Variants in NTNG1 observed in about 807,000 individuals in gnomAD.
NTNG1 encodes the protein netrin G1, also known as netrin-G1.
In NTNG1, 16 loss-of-function variants were observed where a neutral mutation model predicts 54.0. That is an observed-to-expected ratio of 0.30 (90% CI 0.20 to 0.45). The LOEUF is 0.45. Ranked by LOEUF, NTNG1 falls within the 20% of genes least tolerant of loss-of-function variation. The pLI is 1.00. For synonymous variants in NTNG1, 255 were observed against 263.1 expected (o/e 0.97, Z 0.30); for missense variants, 530 against 678.7 (o/e 0.78, Z 2.43).
rs146325811 is a variant in NTNG1, at chr1:107,458,201, G to T, written c.1390+21402G>T. ...AGTCAGATTAATGGGGATGACACAT[G>T]AGTTCCACTGTTATACTACTCCAGT... On this transcript the variant is annotated intron_variant, in intron 7 of 7. Coordinates refer to ENST00000370068, the MANE Select transcript of NTNG1 (RefSeq NM_001113226.3). 4.1e-3 allele frequency among the ~76,000 whole-genome samples: 624 copies of T among 152,208 alleles called. 3 individuals are homozygous for T. The highest frequency in any genetic ancestry group is 0.01 in the Middle Eastern group (3 of 294).
intron 2 of NTNG1, among the ~76,000 whole-genome samples, chr1:107,220,600 G>A (rs1474774677): frequency 6.6e-6 from 1 of 152,232 alleles, no homozygotes; most frequent in Non-Finnish European, 1.5e-5. Context: ...CTACTTAGTA[G>A]TTGTGTGAAT....
chr1:107,407,632 G>C (rs1452155745), intron 4 of NTNG1, 50 bp from the exon 5 acceptor site: 2 of 1,410,650 alleles, frequency 1.4e-6, no homozygotes, highest in East Asian at 4.6e-5. Flanking sequence ...AAGATGTTAT[G>C]TACTAATAAA....
At chr1:107,262,459 TCTAA>T (rs1176546707) in intron 2 of NTNG1, among the ~76,000 whole-genome samples, 1 of 152,158 alleles carries the variant, frequency 6.6e-6, no homozygotes, top group African/African-American at 2.4e-5. Context: ...TAGGTTGGGG[TCTAA>T]CTATTGTGGA....
intron 3 of NTNG1, among the ~76,000 whole-genome samples, chr1:107,374,720 G>C (rs1671125841): frequency 6.6e-6 from 1 of 152,016 alleles, no homozygotes; most frequent in Non-Finnish European, 1.5e-5. Context: ...TTGATTATTT[G>C]TGTCATTTTT....
At chr1:107,297,006 T>C (rs1333985324) in intron 2 of NTNG1, among the ~76,000 whole-genome samples, 1 of 149,264 alleles carries the variant, frequency 6.7e-6, no homozygotes, top group African/African-American at 2.4e-5. Flanking sequence ...AGAAGAATCA[T>C]TTTGCTGTTG....
rs536409765 is a variant in NTNG1 at position 107,412,438 on chromosome 1, T to C, written c.1087+4730T>C. Among the ~76,000 whole-genome samples, 4 of 152,294 alleles carry C rather than the reference T, an allele frequency of 2.6e-5. No homozygotes were observed. In the East Asian group the frequency reaches 7.7e-4, roughly 29 times the overall value. On this transcript the variant is annotated intron_variant, in intron 5 of 7. Transcript: ENST00000370068. ...TAGAGTGGCCACATAACTTGCCCAA[T>C]GCAGTACAACCAGGAATGCCTATCT...
intron 2 of NTNG1, among the ~76,000 whole-genome samples, chr1:107,322,168 A>G (rs576011129): frequency 1.9e-4 from 29 of 152,202 alleles, no homozygotes; most frequent in African/African-American, 7.0e-4. Flanking sequence ...GTGTCATCTC[A>G]TGTGGCCCCA....
chr1:107,201,113 C>T (rs1482492814), intron 2 of NTNG1, among the ~76,000 whole-genome samples: 3 of 151,730 alleles, frequency 2.0e-5, no homozygotes, highest in Non-Finnish European at 2.9e-5. Context: ...TCCTCAAAAA[C>T]TTGTACCTTT....
At chr1:107,417,722 A>T (rs1372536602) in intron 5 of NTNG1, among the ~76,000 whole-genome samples, 1 of 152,076 alleles carries the variant, frequency 6.6e-6, no homozygotes, top group African/African-American at 2.4e-5. Flanking sequence ...TTGAGACTGG[A>T]CTCAATAGAT....
chr1:107,446,546 TA>T (rs1315320132), intron 7 of NTNG1, among the ~76,000 whole-genome samples: 2 of 152,080 alleles, frequency 1.3e-5, no homozygotes, highest in Non-Finnish European at 2.9e-5. Flanking sequence ...GTTCAGAATG[TA>T]GGTTTTTACC....
intron 2 of NTNG1, among the ~76,000 whole-genome samples, chr1:107,290,289 G>A (rs1290830158): frequency 6.6e-6 from 1 of 152,124 alleles, no homozygotes; most frequent in Non-Finnish European, 1.5e-5. Flanking sequence ...CATGGCTTGA[G>A]AGCCTCAATG....
chr1:107,183,184 C>T (rs989995306), intron 2 of NTNG1, among the ~76,000 whole-genome samples: 1 of 152,176 alleles, frequency 6.6e-6, no homozygotes, highest in African/African-American at 2.4e-5. Flanking sequence ...CCTACCTTAA[C>T]TGCTGTTTAT....
intron 2 of NTNG1, among the ~76,000 whole-genome samples, chr1:107,266,603 C>T (rs1466793649): frequency 2.6e-5 from 4 of 151,338 alleles, no homozygotes. Context: ...CAAATCCAAA[C>T]CTTAGCAACA....
Position 107,324,343 on chromosome 1 carries a change from C to T in NTNG1, c.308C>T (p.Pro103Leu), listed in dbSNP as rs756902639. The T allele has an allele frequency of 3.1e-6, 5 of 1,613,760 alleles. No individual in the cohort carries two copies. In the East Asian group the frequency reaches 1.1e-4, roughly 36 times the overall value. The change falls in exon 3 of 8, where the codon CCT becomes CTT. Residue 103 changes from proline (P) to leucine (L), a missense_variant. Coordinates refer to ENST00000370068, the MANE Select transcript of NTNG1 (RefSeq NM_001113226.3). ...DASTPELAHP[P>L]ELMFDFEGRH... ...AGTACCCCTGAGCTGGCACACCCCCCTGAGCTGATGTTTGATTTTGAAGGA... is the reference window on the plus strand; with the variant it reads ...AGTACCCCTGAGCTGGCACACCCCCTTGAGCTGATGTTTGATTTTGAAGGA...
chr1:107,388,529 C>G (rs557293667), intron 3 of NTNG1, among the ~76,000 whole-genome samples: 1 of 152,148 alleles, frequency 6.6e-6, no homozygotes, highest in African/African-American at 2.4e-5. Flanking sequence ...TAGTGCAGGT[C>G]TCATGGGATT....
chr1:107,271,467 C>G (rs931379634), intron 2 of NTNG1, among the ~76,000 whole-genome samples: 2 of 151,980 alleles, frequency 1.3e-5, no homozygotes, highest in Non-Finnish European at 2.9e-5. Context: ...TAATTAATTC[C>G]CTATACTCAG....
chr1:107,412,677 C>T (rs1673904797), intron 5 of NTNG1, among the ~76,000 whole-genome samples: 1 of 152,114 alleles, frequency 6.6e-6, no homozygotes, highest in African/African-American at 2.4e-5. Context: ...ATTGTGTTGT[C>T]ACCTGGAGAA....
At chr1:107,393,304 A>C (rs1380973408) in intron 3 of NTNG1, among the ~76,000 whole-genome samples, 1 of 152,296 alleles carries the variant, frequency 6.6e-6, no homozygotes, top group African/African-American at 2.4e-5. Flanking sequence ...TCTATCACTT[A>C]GGTTTTAAAC....
chr1:107,217,679 A>C (rs555493302), intron 2 of NTNG1, among the ~76,000 whole-genome samples: 6 of 152,126 alleles, frequency 3.9e-5, no homozygotes, highest in African/African-American at 1.4e-4. Flanking sequence ...AGAATCTTTT[A>C]GTTTCTATCT....
Sources: allele counts gnomAD v4.1 joint callset (sites outside exome capture counted in the v4.1 genomes callset), GRCh38; gene constraint gnomAD v4.1.1; transcripts MANE v1.5; gene names NCBI Gene and HGNC (gene_info 2026-07-23, HGNC 2026-07-21).